CORO2B: variants seen among roughly 807,000 people sequenced by gnomAD.
CORO2B encodes coronin 2B, also known as coronin-2B.
CORO2B carries 26 observed loss-of-function variants against 58.8 expected under a neutral mutation model. The observed-to-expected ratio is 0.44, with a 90% confidence interval of 0.32 to 0.61. The LOEUF (loss-of-function observed/expected upper bound fraction) is 0.61, where lower values mean the gene tolerates loss of function less well. Among genes scored for constraint, CORO2B ranks in the 20% least tolerant of loss-of-function variants. The probability of loss-of-function intolerance (pLI) is 0.04; values close to 1 mark genes in which losing one functional copy is unlikely to be tolerated. For synonymous variants in CORO2B, 242 were observed against 253.8 expected (o/e 0.95, Z 0.44); for missense variants, 460 against 645.1 (o/e 0.71, Z 3.11).
Position 68,718,733 on chromosome 15 carries a change from T to A in CORO2B, c.1003T>A (p.Cys335Ser), listed in dbSNP as rs1404981906. Residue 335 changes from cysteine to serine, a missense_variant, in exon 9 of 12, where the codon TGC (cysteine) becomes AGC (serine). Coordinates refer to ENST00000261861, the MANE Select transcript of CORO2B (RefSeq NM_006091.5). ...MPKHGLDVSA[C>S]EVFRFYKLVT... ...CAAGCACGGGCTGGATGTGTCAGCCTGCGAGGTGTTCCGCTTCTACAAGCT... is the reference window on the plus strand; with the variant it reads ...CAAGCACGGGCTGGATGTGTCAGCCAGCGAGGTGTTCCGCTTCTACAAGCT... 2 of 1,614,188 alleles carry A rather than the reference T, an allele frequency of 1.2e-6. No homozygotes were observed.
chr15:68,640,402 A>G (rs1384163257), intron 1 of CORO2B, among the ~76,000 whole-genome samples: 2 of 152,182 alleles, frequency 1.3e-5, no homozygotes, highest in Admixed American at 6.5e-5. Context: ...TTTACAAGGG[A>G]TACAGGAACA....
intron 2 of CORO2B, among the ~76,000 whole-genome samples, chr15:68,666,560 C>T (rs990948837): frequency 6.6e-6 from 1 of 152,180 alleles, no homozygotes; most frequent in Non-Finnish European, 1.5e-5. Context: ...GCTGGCTCCT[C>T]CTGGCAGAGC....
chr15:68,643,087 T>C (rs1566993348), intron 1 of CORO2B, among the ~76,000 whole-genome samples: 1 of 152,358 alleles, frequency 6.6e-6, no homozygotes, highest in South Asian at 2.1e-4. Flanking sequence ...TTAGCAGTAG[T>C]ATCTGTGAAA....
intron 2 of CORO2B, among the ~76,000 whole-genome samples, chr15:68,677,079 C>A (rs779174114): frequency 3.3e-5 from 5 of 152,152 alleles, no homozygotes; most frequent in Non-Finnish European, 5.9e-5. Context: ...CAGTCCAAGA[C>A]CTGTTTTTGC....
rs181525952 is a variant in CORO2B, at chr15:68,602,557, G to A, written c.15+23280G>A. ...GTGTCTTTAACCGCCTCTCCCTATC[G>A]TGTACTATGTTAAACAGGATCCAGC... On this transcript the variant is annotated intron_variant, in intron 1 of 11. Coordinates refer to ENST00000261861, the MANE Select transcript of CORO2B (RefSeq NM_006091.5). 1.2e-4 allele frequency among the ~76,000 whole-genome samples: 19 copies of A among 152,276 alleles called. No homozygotes were observed. In the South Asian group the frequency reaches 2.7e-3, roughly 22 times the overall value.
Position 68,726,864 on chromosome 15 carries a change from TGGA to T in CORO2B, c.*892_*894del, listed in dbSNP as rs1893314599. On this transcript the variant is annotated 3_prime_UTR_variant, in exon 12 of 12. Coordinates refer to ENST00000261861, the MANE Select transcript of CORO2B (RefSeq NM_006091.5). ...GGCTTCACCAGTGCCCAAGTCTCTATGGAGAATGAGAACTGGAAGCCACTGCTA... is the reference window on the plus strand; with the variant it reads ...GGCTTCACCAGTGCCCAAGTCTCTATGAATGAGAACTGGAAGCCACTGCTA... 1 of 152,190 alleles carries T rather than the reference TGGA, an allele frequency of 6.6e-6. No homozygotes were observed. The highest frequency in any genetic ancestry group is 1.5e-5 in the Non-Finnish European group (1 of 68,070). The allele number at this position is 152,190 out of a possible 1,614,324, so 9.4% of individuals were successfully genotyped here. A position where few individuals can be genotyped will look rare whatever the true frequency, so the allele number is the denominator to read the frequency against.
At chr15:68,685,816 G>A (rs559599330) in intron 2 of CORO2B, among the ~76,000 whole-genome samples, 1 of 152,214 alleles carries the variant, frequency 6.6e-6, no homozygotes, top group South Asian at 2.1e-4. Flanking sequence ...AGTTGATATT[G>A]CTCACTGGGC....
At chr15:68,550,657 A>G in the CORO2B span, among the ~76,000 whole-genome samples, 1 of 152,230 alleles carries the variant, frequency 6.6e-6, no homozygotes, top group Non-Finnish European at 1.5e-5. Flanking sequence ...TAGAAGGGAC[A>G]GGCGTCCTAC....
At chr15:68,676,744 G>A (rs1243720858) in intron 2 of CORO2B, among the ~76,000 whole-genome samples, 3 of 152,070 alleles carry the variant, frequency 2.0e-5, no homozygotes, top group African/African-American at 7.2e-5. Flanking sequence ...TCTAGAGGTG[G>A]CCCAAGATCT....
chr15:68,548,860 C>A, the CORO2B span, among the ~76,000 whole-genome samples: 1 of 152,176 alleles, frequency 6.6e-6, no homozygotes, highest in South Asian at 2.1e-4. Context: ...TACATATATT[C>A]TTAGTCCATT....
intron 1 of CORO2B, among the ~76,000 whole-genome samples, chr15:68,600,784 A>T (rs1271739856): frequency 2.6e-5 from 4 of 152,232 alleles, no homozygotes; most frequent in Non-Finnish European, 5.9e-5. Flanking sequence ...GCCCTGGCCC[A>T]GCCTCCAGCT....
chr15:68,725,347 C>G (rs767603047), intron 11 of CORO2B, among the ~76,000 whole-genome samples: 3 of 151,778 alleles, frequency 2.0e-5, no homozygotes, highest in Non-Finnish European at 4.4e-5. Flanking sequence ...ACAGCCTGGG[C>G]GACAAAGCGA....
chr15:68,697,424 CAAAG>C (rs1281237751), intron 3 of CORO2B, among the ~76,000 whole-genome samples: 1 of 152,056 alleles, frequency 6.6e-6, no homozygotes, highest in East Asian at 1.9e-4. Flanking sequence ...ATCAGTTATC[CAAAG>C]AAAGAAAGAT....
At chr15:68,641,792 C>T (rs1191245477) in intron 1 of CORO2B, among the ~76,000 whole-genome samples, 1 of 152,058 alleles carries the variant, frequency 6.6e-6, no homozygotes, top group Admixed American at 6.5e-5. Context: ...TGGTGCGACT[C>T]AGCCCACTGC....
rs1901402967 is a variant in CORO2B, at chr15:68,645,739, C to T, written c.216+379C>T. On this transcript the variant is annotated intron_variant, in intron 2 of 11. Transcript: ENST00000261861. This position sits in a 1 kb window ranked among gnomAD's most constrained non-coding sequence, Gnocchi z 4.5. ...GGAGCCGGAAGGGATGAAGACCTAG[C>T]CATAGGTATTATACATTGAGCATCT... Among the ~76,000 whole-genome samples, 1 of 152,026 alleles carries T rather than the reference C, an allele frequency of 6.6e-6. No individual in the cohort carries two copies. The highest frequency in any genetic ancestry group is 2.4e-5 in the African/African-American group (1 of 41,394).
the CORO2B span, among the ~76,000 whole-genome samples, chr15:68,545,822 G>C: frequency 6.6e-6 from 1 of 152,232 alleles, no homozygotes; most frequent in East Asian, 1.9e-4. Flanking sequence ...GCTGCCATCA[G>C]GTGGGGCATC....
At chr15:68,624,696 C>CTTTTT (rs1900628340) in intron 1 of CORO2B, among the ~76,000 whole-genome samples, 3 of 148,480 alleles carry the variant, frequency 2.0e-5, no homozygotes, top group Non-Finnish European at 4.5e-5. Flanking sequence ...CTTTTCTTTT[C>CTTTTT]TTTTTATTTT....
At chr15:68,588,011 T>G (rs1453012795) in intron 1 of CORO2B, among the ~76,000 whole-genome samples, 3 of 152,250 alleles carry the variant, frequency 2.0e-5, no homozygotes, top group Admixed American at 6.5e-5. Flanking sequence ...TCTGAGCGTC[T>G]GTGAAAATGA....
At chr15:68,522,418 A>G in the CORO2B span, among the ~76,000 whole-genome samples, 1 of 152,064 alleles carries the variant, frequency 6.6e-6, no homozygotes, top group East Asian at 1.9e-4. Flanking sequence ...AGCTGTGCCA[A>G]TCTATTGTTG....
Sources: allele counts gnomAD v4.1 joint callset (sites outside exome capture counted in the v4.1 genomes callset), GRCh38; gene constraint gnomAD v4.1.1; non-coding constraint Gnocchi (gnomAD v3.1); transcripts MANE v1.5; gene names NCBI Gene and HGNC (gene_info 2026-07-23, HGNC 2026-07-21).